Variants in SDK1 observed in about 807,000 individuals in gnomAD.
SDK1 encodes the protein protein sidekick-1.
In SDK1, 157 loss-of-function variants were observed where a neutral mutation model predicts 245.5. The ratio of observed to expected loss-of-function variants is 0.64; its 90% confidence interval spans 0.56 to 0.73. The LOEUF (loss-of-function observed/expected upper bound fraction) is 0.73. Among genes scored for constraint, SDK1 ranks in the 30% least tolerant of loss-of-function variants. The pLI is 0.00. For missense variants in SDK1, 3,583 were observed against 3,002.3 expected, an observed-to-expected ratio of 1.19 and a Z score of -4.52; for synonymous variants, 1,647 against 1,278.5, an observed-to-expected ratio of 1.29 and a Z score of -6.15.
chr7:3,764,008 A>T (rs1399901563), intron 4 of SDK1, among the ~76,000 whole-genome samples: 1 of 152,136 alleles, frequency 6.6e-6, no homozygotes, highest in Non-Finnish European at 1.5e-5. Flanking sequence ...CAATTTTGAA[A>T]ATTTTTGCCA....
intron 4 of SDK1, among the ~76,000 whole-genome samples, chr7:3,747,739 A>G (rs1445923966): frequency 6.6e-6 from 1 of 151,704 alleles, no homozygotes; most frequent in Non-Finnish European, 1.5e-5. Flanking sequence ...GTTTTCACTG[A>G]AGAGTTGATG....
intron 1 of SDK1, among the ~76,000 whole-genome samples, chr7:3,563,979 T>C (rs1313200557): frequency 6.6e-6 from 1 of 152,088 alleles, no homozygotes; most frequent in African/African-American, 2.4e-5. Context: ...AATAAAATTA[T>C]GATATATTTA....
chr7:4,131,005 G>A lies in SDK1; in HGVS notation c.4129+908G>A, dbSNP rs6957882. Among the ~76,000 whole-genome samples, 1,119 of 152,232 alleles carry A rather than the reference G, an allele frequency of 7.4e-3. 16 individuals are homozygous for A. The highest frequency in any genetic ancestry group is 0.026 in the African/African-American group (1,074 of 41,524). On this transcript the variant is annotated intron_variant, in intron 27 of 44. Transcript: ENST00000404826. ...ACCCCTGATCCTCGCCTCGCCTCAC[G>A]GAGAGACGGGAACCCTGCAGAAGGC...
intron 14 of SDK1, among the ~76,000 whole-genome samples, chr7:4,006,485 T>C (rs1785496176): frequency 6.6e-6 from 1 of 152,222 alleles, no homozygotes; most frequent in Admixed American, 6.5e-5. Context: ...GGGCGGACCC[T>C]TTTAAAGGGA....
At chr7:3,307,667 G>C (rs1446134674) in intron 1 of SDK1, among the ~76,000 whole-genome samples, 1 of 152,194 alleles carries the variant, frequency 6.6e-6, no homozygotes, top group African/African-American at 2.4e-5. Flanking sequence ...TTGTGGGAAT[G>C]AAAGCAGTTT....
chr7:3,866,720 C>G (rs1347236489), intron 5 of SDK1, among the ~76,000 whole-genome samples: 2 of 152,122 alleles, frequency 1.3e-5, no homozygotes, highest in African/African-American at 4.8e-5. Context: ...AGACACCAGG[C>G]TGGTTAGAGT....
intron 1 of SDK1, among the ~76,000 whole-genome samples, chr7:3,330,122 A>C (rs1343363387): frequency 1.3e-5 from 2 of 151,828 alleles, no homozygotes; most frequent in African/African-American, 4.8e-5. Flanking sequence ...TATTTGGGTT[A>C]TTTTCACTTT....
At chr7:3,863,383 G>A (rs2115121077) in intron 5 of SDK1, among the ~76,000 whole-genome samples, 1 of 152,248 alleles carries the variant, frequency 6.6e-6, no homozygotes, top group East Asian at 1.9e-4. Context: ...GCACCCCATT[G>A]CCTGGCTGGC....
In SDK1 at chr7:3,761,859, C is replaced by G. The variant is rs138678686; in HGVS notation, c.714-59591C>G. On this transcript the variant is annotated intron_variant, in intron 4 of 44. Coordinates refer to ENST00000404826, the MANE Select transcript of SDK1 (RefSeq NM_152744.4). ...AGTATGAAGCCTTTGTATTTGCTTG[C>G]GACTTGCAGTTTGAATAGCAAAATG... Among the ~76,000 whole-genome samples, 66 of 152,190 alleles carry G rather than the reference C, an allele frequency of 4.3e-4. 1 individual carries two copies. The East Asian group carries it at 0.012, about 29-fold the overall frequency.
chr7:3,597,865 A>G (rs6971989), intron 1 of SDK1, among the ~76,000 whole-genome samples: 23,172 of 152,150 alleles, frequency 0.15, 3,028 homozygotes, highest in East Asian at 0.35. Flanking sequence ...GTCGTTTTCC[A>G]TGTAGGGCAC....
chr7:3,583,114 C>A lies in SDK1; in HGVS notation c.299-35966C>A, dbSNP rs1018837783. On this transcript the variant is annotated intron_variant, in intron 1 of 44. Transcript: ENST00000404826. ...AACTGATGTTGGAGACCGGAGGTATCGGTGTCAACACTCTGCAGGCCTCCA... is the reference window on the plus strand; with the variant it reads ...AACTGATGTTGGAGACCGGAGGTATAGGTGTCAACACTCTGCAGGCCTCCA... Among the ~76,000 whole-genome samples, 11 of 152,282 alleles carry A rather than the reference C, an allele frequency of 7.2e-5. No homozygotes were observed. The East Asian group carries it at 2.1e-3, about 29-fold the overall frequency.
chr7:3,683,923 T>C lies in SDK1; in HGVS notation c.713+41818T>C, dbSNP rs187187223. ...TAGTAACAAAAAATGTGTTGGCCAC[T>C]CCTGTCCCAATGCAGCCACACAGGA... is the stretch of plus-strand genomic sequence containing the variant. On this transcript the variant is annotated intron_variant, in intron 4 of 44. Coordinates refer to ENST00000404826, the MANE Select transcript of SDK1 (RefSeq NM_152744.4). Among the ~76,000 whole-genome samples, 30 of 152,328 alleles carry C rather than the reference T, an allele frequency of 2.0e-4. 1 individual carries two copies. The East Asian group carries it at 4.8e-3, about 24-fold the overall frequency.
chr7:3,892,743 G>C (rs1781492163), intron 5 of SDK1, among the ~76,000 whole-genome samples: 1 of 152,196 alleles, frequency 6.6e-6, no homozygotes, highest in African/African-American at 2.4e-5. Context: ...TCCAGTCCAG[G>C]TGGACATCCA....
In SDK1 at chr7:4,175,852, G is replaced by A. The variant is rs140943909; in HGVS notation, c.4996+18G>A. 143 of 1,609,546 alleles carry A rather than the reference G, an allele frequency of 8.9e-5. No individual in the cohort carries two copies. In the African/African-American group the frequency reaches 1.2e-3, roughly 13 times the overall value. On this transcript the variant is annotated intron_variant, in intron 34 of 44. Coordinates refer to ENST00000404826, the MANE Select transcript of SDK1 (RefSeq NM_152744.4). The stretch of plus-strand genomic sequence containing the variant: ...ACTAACACGTAAGTGCGCTCTCAGC[G>A]GGAGGCCCATGCCGCGAGGCGCACA...
rs374980366 is a variant in SDK1, at chr7:3,628,446, G to T, written c.458+9207G>T. On this transcript the variant is annotated intron_variant, in intron 2 of 44. Coordinates refer to ENST00000404826, the MANE Select transcript of SDK1 (RefSeq NM_152744.4). ...ACTTCAGTTTGTCCTAAGGACATCA[G>T]TGTATGTAGTTCCCTTCTGCAGAAG... Among the ~76,000 whole-genome samples the T allele has an allele frequency of 9.2e-5, 14 of 152,282 alleles. No individual in the cohort carries two copies. The South Asian group carries it at 2.7e-3, about 29-fold the overall frequency.
chr7:3,987,586 G>T (rs1176639990), intron 14 of SDK1, among the ~76,000 whole-genome samples: 3 of 152,164 alleles, frequency 2.0e-5, no homozygotes, highest in Non-Finnish European at 4.4e-5. Context: ...TGCACACAGG[G>T]CTGCCCCGCA....
intron 1 of SDK1, among the ~76,000 whole-genome samples, chr7:3,311,588 G>GA (rs934691054): frequency 7.2e-4 from 110 of 152,000 alleles, no homozygotes; most frequent in African/African-American, 1.4e-3. Context: ...TTGAGGCTGG[G>GA]AAAAAAAATT....
At chr7:3,859,362 T>C (rs1464003356) in intron 5 of SDK1, among the ~76,000 whole-genome samples, 1 of 152,134 alleles carries the variant, frequency 6.6e-6, no homozygotes, top group East Asian at 1.9e-4. Flanking sequence ...TAGTTGCAGT[T>C]CTTCCATAGT....
chr7:3,524,527 AGT>A (rs977294827), intron 1 of SDK1, among the ~76,000 whole-genome samples: 1 of 151,922 alleles, frequency 6.6e-6, no homozygotes, highest in Non-Finnish European at 1.5e-5. Context: ...TGGGTTATGG[AGT>A]GTGTGTGTGT....
Sources: gnomAD v4.1 joint callset for allele counts (sites outside exome capture counted in the v4.1 genomes callset) on GRCh38, gnomAD v4.1.1 for gene constraint, MANE v1.5 for transcripts, NCBI Gene and HGNC (gene_info 2026-07-23, HGNC 2026-07-21) for gene names.